The following TEAD3 variants were observed in gnomAD, a reference collection of about 807,000 sequenced individuals.
The protein encoded by TEAD3 is TEA domain transcription factor 3.
In TEAD3, 15 loss-of-function variants were observed where a neutral mutation model predicts 55.6. The ratio of observed to expected loss-of-function variants is 0.27; its 90% CI spans 0.18 to 0.42. The LOEUF (loss-of-function observed/expected upper bound fraction) is 0.42. Ranked by LOEUF, TEAD3 falls within the 10% of genes least tolerant of loss-of-function variation. TEAD3 has a pLI of 1.00. For synonymous variants in TEAD3, 210 were observed against 232.2 expected, an observed-to-expected ratio of 0.90 and a Z score of 0.87; for missense variants, 407 against 576.8, an observed-to-expected ratio of 0.71 and a Z score of 3.01.
intron 5 of TEAD3, among the ~76,000 whole-genome samples, chr6:35,478,841 T>C (rs1192004179): frequency 6.6e-6 from 1 of 152,066 alleles, no homozygotes; most frequent in Non-Finnish European, 1.5e-5. Flanking sequence ...TGTCAAGATA[T>C]TTCCTCTTAC....
chr6:35,476,939 C>T (rs1026929547), intron 8 of TEAD3, among the ~76,000 whole-genome samples: 2 of 152,226 alleles, frequency 1.3e-5, no homozygotes, highest in African/African-American at 2.4e-5. Flanking sequence ...TCTCCTGCCT[C>T]AGCCTCCCAA....
At chr6:35,480,450 C>A in intron 3 of TEAD3, 76 bp from the exon 4 acceptor site, 1 of 1,504,262 alleles carries the variant, frequency 6.6e-7, no homozygotes, top group East Asian at 2.3e-5. Context: ...TGGCCGCGGG[C>A]AAGGAGCATC....
chr6:35,479,290 G>A lies in TEAD3; in HGVS notation c.342+15C>T. On this transcript the variant is annotated intron_variant, in intron 5 of 12. Transcript: ENST00000639578. The stretch of plus-strand genomic sequence containing the variant: ...CCTTTCCCCCACTCCCACTGGGGAG[G>A]GCTGTGCTACTTACCAGGTTCATGG... 1 of 1,613,858 alleles carries A rather than the reference G, an allele frequency of 6.2e-7. No individual in the cohort carries two copies. Among genetic ancestry groups the A allele is most frequent in the East Asian group, 2.2e-5 (1 of 44,884 alleles).
Position 35,475,213 on chromosome 6 carries a change from C to T in TEAD3, c.1195-56G>A, listed in dbSNP as rs1243847086. 6.4e-7 allele frequency: 1 copy of T among 1,573,384 alleles called. No individual in the cohort carries two copies. Among genetic ancestry groups the T allele is most frequent in the Non-Finnish European group, 8.6e-7 (1 of 1,158,008 alleles). On this transcript the variant is annotated intron_variant, in intron 12 of 12. Coordinates refer to ENST00000639578, the Ensembl canonical transcript of TEAD3. The surrounding 1 kb of genome is among the most constrained non-coding windows in gnomAD (Gnocchi z 5.4). ...GGTCAGGGAGAAAAGGGCCACGGGGCAGGGGGCTGAACAGACCATTCTCCT... is the reference window on the plus strand; with the variant it reads ...GGTCAGGGAGAAAAGGGCCACGGGGTAGGGGGCTGAACAGACCATTCTCCT...
rs954429031 is a variant in TEAD3, at chr6:35,496,886, C to G, written c.-50+12G>C. ...CCGAGCGGGGCCTCCTCCCGGCGTC[C>G]GCCCGGCTTACCTGGTCCGAGCTCG... On this transcript the variant is annotated intron_variant, in intron 1 of 12. Transcript: ENST00000639578. The surrounding 1 kb of genome is among the most constrained non-coding windows in gnomAD (Gnocchi z 4.8). The G allele has an allele frequency of 4.6e-5, 7 of 151,976 alleles. No individual in the cohort carries two copies. The highest frequency in any genetic ancestry group is 1.7e-4 in the African/African-American group (7 of 41,392). 9.4% of individuals were successfully genotyped at this position (151,976 alleles called of 1,614,324 possible).
Position 35,486,845 on chromosome 6 carries a change from C to T in TEAD3, c.-49-134G>A, listed in dbSNP as rs1213177147. ...CTAGGAGCAGGTGCTCCAGGTGGAA[C>T]GGAGGTAACCAGAGGAACAACCACA... On this transcript the variant is annotated intron_variant, in intron 1 of 12. Transcript: ENST00000639578. The surrounding 1 kb of genome is among the most constrained non-coding windows in gnomAD (Gnocchi z 7.3). 2.2e-5 allele frequency: 14 copies of T among 633,124 alleles called. No homozygotes were observed. The highest frequency in any genetic ancestry group is 3.3e-5 in the Non-Finnish European group (12 of 368,166). The allele number at this position is 633,124 out of a possible 1,614,324, so 39.2% of individuals were successfully genotyped here.
In TEAD3 at chr6:35,486,800, C is replaced by A; in HGVS notation, c.-49-89G>T. The A allele has an allele frequency of 2.2e-6, 2 of 926,046 alleles. No individual in the cohort carries two copies. The highest frequency in any genetic ancestry group is 1.6e-6 in the Non-Finnish European group (1 of 629,114). The allele number at this position is 926,046 out of a possible 1,614,324, so 57.4% of individuals were successfully genotyped here. ...CACAGCCGCTGGCTCTGGAGCTCCGCCCCCAGCCCCAAGCCCACCCTAGGA... is the reference window on the plus strand; with the variant it reads ...CACAGCCGCTGGCTCTGGAGCTCCGACCCCAGCCCCAAGCCCACCCTAGGA... On this transcript the variant is annotated intron_variant, in intron 1 of 12. Coordinates refer to ENST00000639578, the Ensembl canonical transcript of TEAD3. This position sits in a 1 kb window ranked among gnomAD's most constrained non-coding sequence, Gnocchi z 7.3.
At chr6:35,492,816 C>A (rs1768556243) in intron 1 of TEAD3, among the ~76,000 whole-genome samples, 1 of 152,092 alleles carries the variant, frequency 6.6e-6, no homozygotes, top group South Asian at 2.1e-4. Flanking sequence ...GGAGACTCAG[C>A]CCTCAAGTCC....
chr6:35,487,086 G>A (rs1170052218), intron 1 of TEAD3, among the ~76,000 whole-genome samples: 1 of 152,206 alleles, frequency 6.6e-6, no homozygotes. Context: ...TACCAACACA[G>A]CACTTTTGTA....
chr6:35,475,362 C>T lies in TEAD3; in HGVS notation c.1168G>A (p.Val390Met), dbSNP rs778359750. Residue 390 changes from valine (V) to methionine (M), a missense_variant, in exon 12 of 13, where the codon GTG becomes ATG. Val to Met is a conservative substitution (Grantham distance 21). Transcript: ENST00000639578. This position sits in a 1 kb window ranked among gnomAD's most constrained non-coding sequence, Gnocchi z 5.4. Reference sequence around the variant, plus strand: ...TGCAGGATGGTGAAGTTCTCCAGCACGCTGTTCATCATGTACTTCTCGGGC... The same window carrying T: ...TGCAGGATGGTGAAGTTCTCCAGCATGCTGTTCATCATGTACTTCTCGGGC... 1.9e-6 allele frequency: 3 copies of T among 1,613,902 alleles called. No homozygotes were observed. Among genetic ancestry groups the T allele is most frequent in the Non-Finnish European group, 2.5e-6 (3 of 1,179,962 alleles).
At chr6:35,478,202 G>A (rs548435496) in intron 7 of TEAD3, 73 bp downstream of exon 7, 5 of 1,583,466 alleles carry the variant, frequency 3.2e-6, no homozygotes, top group East Asian at 4.5e-5. Context: ...TGTTGCTGGA[G>A]CCCAAATGGG....
rs1412156123 is a variant in TEAD3, at chr6:35,475,726, G to A, written c.901-20C>T. 6.4e-7 allele frequency: 1 copy of A among 1,562,534 alleles called. No individual in the cohort carries two copies. The highest frequency in any genetic ancestry group is 1.4e-5 in the African/African-American group (1 of 73,478). On this transcript the variant is annotated intron_variant, in intron 10 of 12. Transcript: ENST00000639578. The surrounding 1 kb of genome is among the most constrained non-coding windows in gnomAD (Gnocchi z 5.4). ...GTCGGCCTGGGCATGGGGGTGGGGG[G>A]TGTTAGGTGCTGGCAGAGACCAGAA...
exon 9 of TEAD3, chr6:35,476,426 G>A: frequency 6.2e-7 from 1 of 1,612,996 alleles, no homozygotes; most frequent in Admixed American, 1.7e-5. Context: ...CGGGGCCAGG[G>A]GCTCATAACC....
chr6:35,478,661 A>G (rs779993568), intron 5 of TEAD3, 90 bp from the exon 6 acceptor site: 3 of 1,455,980 alleles, frequency 2.1e-6, no homozygotes, highest in Non-Finnish European at 2.7e-6. Context: ...GCAGAGTCCA[A>G]AGCACTAGGA....
At chr6:35,494,197 G>A (rs549844041) in intron 1 of TEAD3, among the ~76,000 whole-genome samples, 2 of 152,300 alleles carry the variant, frequency 1.3e-5, no homozygotes, top group South Asian at 2.1e-4. Flanking sequence ...CACATCCAGC[G>A]TCACACACAG....
rs931730919 is a variant in TEAD3 at position 35,483,631 on chromosome 6, C to A, written c.267+929G>T. Among the ~76,000 whole-genome samples, 1 of 152,164 alleles carries A rather than the reference C, an allele frequency of 6.6e-6. No individual in the cohort carries two copies. Among genetic ancestry groups the A allele is most frequent in the African/African-American group, 2.4e-5 (1 of 41,418 alleles). ...CTGTCTCCAGCCAGCCCTCTCTAAT[C>A]CATTGTCCCGGCTGCTTGAGGGCCT... On this transcript the variant is annotated intron_variant, in intron 3 of 12. Transcript: ENST00000639578. The surrounding 1 kb of genome is among the most constrained non-coding windows in gnomAD (Gnocchi z 4.5).
chr6:35,480,338 CCTT>C, intron 3 of TEAD3: 1 of 1,613,980 alleles, frequency 6.2e-7, no homozygotes, highest in Non-Finnish European at 8.5e-7. Context: ...TACTCCCGCA[CCTT>C]CTTCCGAGCT....
chr6:35,477,041 G>A (rs1190351842), intron 8 of TEAD3, among the ~76,000 whole-genome samples: 1 of 152,002 alleles, frequency 6.6e-6, no homozygotes, highest in Non-Finnish European at 1.5e-5. Flanking sequence ...GGCTGGTCTC[G>A]AACTCCTGAC....
At chr6:35,497,049 G>A (rs1156977384) in exon 1 of TEAD3, 2 of 151,164 alleles carry the variant, frequency 1.3e-5, no homozygotes, top group African/African-American at 4.9e-5. Context: ...GAGCGCGGAG[G>A]AGGGAGCGAG....
Sources: allele counts gnomAD v4.1 joint callset (sites outside exome capture counted in the v4.1 genomes callset), GRCh38; gene constraint gnomAD v4.1.1; non-coding constraint Gnocchi (gnomAD v3.1); transcripts MANE v1.5; gene names NCBI Gene and HGNC (gene_info 2026-07-23, HGNC 2026-07-21).